NDUFS4: variants seen among roughly 807,000 people sequenced by gnomAD.
NDUFS4 encodes NADH dehydrogenase [ubiquinone] iron-sulfur protein 4, mitochondrial.
A neutral mutation model predicts 24.3 loss-of-function variants in NDUFS4; 28 were observed. That is an observed-to-expected ratio of 1.15 (90% CI 0.85 to 1.58). The LOEUF (loss-of-function observed/expected upper bound fraction) is 1.58. NDUFS4 is among the 40% of genes most tolerant of loss of function. NDUFS4 has a pLI of 0.00. For synonymous variants in NDUFS4, 93 were observed against 69.7 expected (o/e 1.34, Z -1.67); for missense variants, 223 against 207.9 (o/e 1.07, Z -0.45).
At chr5:53,643,100 T>C (rs984589748) in intron 2 of NDUFS4, among the ~76,000 whole-genome samples, 2 of 152,156 alleles carry the variant, frequency 1.3e-5, no homozygotes, top group Admixed American at 6.6e-5. Context: ...ATATTACTTA[T>C]AGAGTAGCTT....
chr5:53,602,593 A>G (rs148130446), intron 1 of NDUFS4, among the ~76,000 whole-genome samples: 23 of 152,322 alleles, frequency 1.5e-4, no homozygotes, highest in African/African-American at 5.3e-4. Context: ...ATTATGTTGC[A>G]TTAAAACTAT....
At chr5:53,623,652 C>T (rs956543168) in intron 2 of NDUFS4, among the ~76,000 whole-genome samples, 3 of 152,082 alleles carry the variant, frequency 2.0e-5, no homozygotes, top group African/African-American at 7.2e-5. Flanking sequence ...AGATTTCCTC[C>T]TATGTTTTCT....
At chr5:53,582,302 A>T (rs1041144524) in intron 1 of NDUFS4, among the ~76,000 whole-genome samples, 1 of 152,204 alleles carries the variant, frequency 6.6e-6, no homozygotes, top group African/African-American at 2.4e-5. Context: ...GAATAAAAAC[A>T]AGTAAGATAC....
chr5:53,681,607 C>T (rs2111610952), intron 4 of NDUFS4, among the ~76,000 whole-genome samples: 1 of 152,112 alleles, frequency 6.6e-6, no homozygotes, highest in South Asian at 2.1e-4. Flanking sequence ...TAAGAAAGTT[C>T]TCAAAACATA....
At position 53,659,051 on chromosome 5, in the gene NDUFS4, A is replaced by G. The variant is rs114334977; in HGVS notation, c.424+427A>G. Among the ~76,000 whole-genome samples the G allele has an allele frequency of 9.2e-3, 1,406 of 152,212 alleles. 16 individuals are homozygous for G. The highest frequency in any genetic ancestry group is 0.032 in the African/African-American group (1,330 of 41,542). ...GTCTATTAATCTATTTAATAACTCA[A>G]TTATTTGAAAATATTGTCTTATTGC... On this transcript the variant is annotated intron_variant, in intron 4 of 4. Coordinates refer to ENST00000296684, the MANE Select transcript of NDUFS4 (RefSeq NM_002495.4).
intron 1 of NDUFS4, among the ~76,000 whole-genome samples, chr5:53,595,714 G>A (rs147972366): frequency 6.6e-5 from 10 of 151,986 alleles, no homozygotes; most frequent in Admixed American, 5.2e-4. Flanking sequence ...AGTCTGTTAC[G>A]TGAACATAAT....
intron 2 of NDUFS4, among the ~76,000 whole-genome samples, chr5:53,639,558 GA>G (rs1368471710): frequency 6.6e-6 from 1 of 151,878 alleles, no homozygotes; most frequent in African/African-American, 2.4e-5. Context: ...TTTTTAAGTT[GA>G]CATCTTGTAT....
At chr5:53,668,421 AT>A (rs1752577138) in intron 4 of NDUFS4, among the ~76,000 whole-genome samples, 2 of 151,932 alleles carry the variant, frequency 1.3e-5, no homozygotes, top group South Asian at 2.1e-4. Flanking sequence ...GGGGAGTAAG[AT>A]TTTCAGATTC....
intron 1 of NDUFS4, among the ~76,000 whole-genome samples, chr5:53,593,465 T>G (rs1171408775): frequency 4.6e-5 from 7 of 151,878 alleles, no homozygotes; most frequent in Admixed American, 1.3e-4. Flanking sequence ...GACTAAAGGT[T>G]TATCAGTTTT....
At position 53,658,738 on chromosome 5, in the gene NDUFS4, C is replaced by G. The variant is rs898819316; in HGVS notation, c.424+114C>G. 14 of 613,950 alleles carry G rather than the reference C, an allele frequency of 2.3e-5. No homozygotes were observed. In the African/African-American group the frequency reaches 3.0e-4, roughly 13 times the overall value. 38.0% of individuals were successfully genotyped at this position (613,950 alleles called of 1,614,324 possible). ...TTGGAATCCAGTGGTTTCATTGTAT[C>G]TAATCCAGTGGTTTCAGACTTTAAC... On this transcript the variant is annotated intron_variant, in intron 4 of 4. Transcript: ENST00000296684.
At chr5:53,574,856 A>G (rs1749332502) in intron 1 of NDUFS4, among the ~76,000 whole-genome samples, 1 of 152,126 alleles carries the variant, frequency 6.6e-6, no homozygotes, top group African/African-American at 2.4e-5. Context: ...AATTGTGGCT[A>G]TCATTAAGTT....
At chr5:53,663,779 T>C (rs1752420446) in intron 4 of NDUFS4, among the ~76,000 whole-genome samples, 1 of 152,234 alleles carries the variant, frequency 6.6e-6, no homozygotes, top group East Asian at 1.9e-4. Flanking sequence ...GTCCTGACTC[T>C]GTATCCAGTT....
intron 1 of NDUFS4, among the ~76,000 whole-genome samples, chr5:53,591,683 C>T (rs186791014): frequency 5.3e-5 from 8 of 151,854 alleles, no homozygotes; most frequent in Middle Eastern, 3.4e-3. Flanking sequence ...TGTACCATTT[C>T]GCATTCCCAC....
chr5:53,609,088 G>T (rs997374156), intron 2 of NDUFS4, among the ~76,000 whole-genome samples: 4 of 152,148 alleles, frequency 2.6e-5, no homozygotes, highest in Non-Finnish European at 5.9e-5. Flanking sequence ...TCTTTCAAAC[G>T]CGTGCTAATG....
chr5:53,643,795 C>G (rs1476956865), intron 2 of NDUFS4, among the ~76,000 whole-genome samples: 1 of 152,182 alleles, frequency 6.6e-6, no homozygotes, highest in Non-Finnish European at 1.5e-5. Flanking sequence ...TTGGCAGCAG[C>G]TCAATTGGGC....
At chr5:53,618,802 C>A (rs551640735) in intron 2 of NDUFS4, among the ~76,000 whole-genome samples, 1 of 152,016 alleles carries the variant, frequency 6.6e-6, no homozygotes, top group Non-Finnish European at 1.5e-5. Context: ...GGTCATTAAA[C>A]CCTGTGTAAT....
At chr5:53,646,182 G>A (rs1751856300) in intron 2 of NDUFS4, 51 bp from the exon 3 acceptor site, 3 of 1,383,802 alleles carry the variant, frequency 2.2e-6, no homozygotes, top group Non-Finnish European at 3.0e-6. Context: ...AAGTACATTA[G>A]TGTGTATGTA....
intron 1 of NDUFS4, among the ~76,000 whole-genome samples, chr5:53,564,069 A>G (rs1748944302): frequency 6.6e-6 from 1 of 152,164 alleles, no homozygotes; most frequent in Non-Finnish European, 1.5e-5. Flanking sequence ...GTTTTAATTA[A>G]TGACTGGTGG....
At chr5:53,593,893 T>A (rs374070079) in intron 1 of NDUFS4, among the ~76,000 whole-genome samples, 2 of 152,286 alleles carry the variant, frequency 1.3e-5, no homozygotes, top group African/African-American at 4.8e-5. Context: ...ATTCCATTGC[T>A]GACTGAGAGC....
Sources: gnomAD v4.1 joint callset for allele counts (sites outside exome capture counted in the v4.1 genomes callset) on GRCh38, gnomAD v4.1.1 for gene constraint, MANE v1.5 for transcripts, NCBI Gene and HGNC (gene_info 2026-07-23, HGNC 2026-07-21) for gene names.